The following LMF1 variants were observed in gnomAD, a reference collection of about 807,000 sequenced individuals.
LMF1 encodes the protein lipase maturation factor 1, also known as transmembrane protein 112.
A neutral mutation model predicts 60.6 loss-of-function variants in LMF1; 68 were observed. The ratio of observed to expected loss-of-function variants is 1.12; its 90% confidence interval spans 0.92 to 1.37. The LOEUF (loss-of-function observed/expected upper bound fraction) is 1.37. Among genes scored for constraint, LMF1 ranks in the 40% most tolerant of loss-of-function variants. LMF1 has a pLI of 0.00. For missense variants in LMF1, 948 were observed against 767.2 expected (o/e 1.24, Z -2.78); for synonymous variants, 418 against 324.7 (o/e 1.29, Z -3.09).
chr16:855,740 G>A, intron 10 of LMF1: 1 of 456,078 alleles, frequency 2.2e-6, no homozygotes, highest in South Asian at 1.5e-5. Flanking sequence ...ATGGCCCCTG[G>A]AATGAGCCCA....
Position 962,265 on chromosome 16 carries a change from C to T in LMF1, c.194-7599G>A, listed in dbSNP as rs1406575661. On this transcript the variant is annotated intron_variant, in intron 1 of 10. Coordinates refer to ENST00000262301, the MANE Select transcript of LMF1 (RefSeq NM_022773.4). This position sits in a 1 kb window ranked among gnomAD's most constrained non-coding sequence, Gnocchi z 4.5. ...CAGACACAGACTCACGGTGACAGCA[C>T]GGGATCACGACCCAGAGGGAAAATA... Among the ~76,000 whole-genome samples, 5 of 151,924 alleles carry T rather than the reference C, an allele frequency of 3.3e-5. No homozygotes were observed. The highest frequency in any genetic ancestry group is 4.8e-5 in the African/African-American group (2 of 41,334).
chr16:857,228 C>T (rs775456893), intron 10 of LMF1, among the ~76,000 whole-genome samples: 1 of 152,238 alleles, frequency 6.6e-6, no homozygotes. Flanking sequence ...AACCTCTGCA[C>T]GGGTTTCTGC....
chr16:856,715 C>A (rs530733657), intron 10 of LMF1, among the ~76,000 whole-genome samples: 1 of 152,360 alleles, frequency 6.6e-6, no homozygotes, highest in Non-Finnish European at 1.5e-5. Context: ...GAAGGGGCCC[C>A]AGGCCCCAGC....
intron 5 of LMF1, among the ~76,000 whole-genome samples, chr16:890,775 G>A (rs1259757254): frequency 6.6e-6 from 1 of 152,218 alleles, no homozygotes; most frequent in Non-Finnish European, 1.5e-5. Context: ...TCACAAGGAG[G>A]TCCCAGATAA....
chr16:933,935 G>A, intron 3 of LMF1: 1 of 1,379,720 alleles, frequency 7.2e-7, no homozygotes, highest in Admixed American at 2.2e-5. Flanking sequence ...AGCGTCCACG[G>A]GGGATGGGCC....
intron 10 of LMF1, chr16:855,952 C>G (rs1322356892): frequency 2.2e-6 from 1 of 455,950 alleles, no homozygotes; most frequent in East Asian, 6.9e-5. Flanking sequence ...CTCTTTGGGT[C>G]TGGGTGTGTG....
intron 1 of LMF1, among the ~76,000 whole-genome samples, chr16:978,528 G>C (rs184284864): frequency 2.1e-4 from 32 of 152,148 alleles, no homozygotes; most frequent in African/African-American, 7.2e-4. Flanking sequence ...GCCCAGGCCA[G>C]GGCATGTGGA....
intron 5 of LMF1, among the ~76,000 whole-genome samples, chr16:881,102 C>T (rs1455136792): frequency 6.6e-6 from 1 of 152,194 alleles, no homozygotes; most frequent in African/African-American, 2.4e-5. Context: ...AGTCGGGGCC[C>T]CCAGGTGGCA....
intron 3 of LMF1, among the ~76,000 whole-genome samples, chr16:919,369 G>T (rs953197134): frequency 6.6e-6 from 1 of 151,968 alleles, no homozygotes; most frequent in Non-Finnish European, 1.5e-5. Context: ...CAGCCCTGTG[G>T]CCTCTGCTTC....
intron 3 of LMF1, among the ~76,000 whole-genome samples, chr16:923,011 C>T (rs1455804318): frequency 8.2e-6 from 1 of 121,238 alleles, no homozygotes; most frequent in Non-Finnish European, 1.7e-5. Context: ...GTGTTGGTGT[C>T]GTGTTGTTGC....
chr16:954,256 A>T (rs945349141), intron 2 of LMF1, 101 bp downstream of exon 2: 1 of 1,227,074 alleles, frequency 8.1e-7, no homozygotes, highest in Non-Finnish European at 1.2e-6. Flanking sequence ...GGAATTTAAG[A>T]TAAACGCTCG....
At chr16:973,485 G>T (rs772749715), upstream of LMF1, among the ~76,000 whole-genome samples, 5 of 152,066 alleles carry the variant, frequency 3.3e-5, no homozygotes, top group African/African-American at 1.2e-4. Context: ...TGAAATGTCC[G>T]GGGTGGGCAA....
intron 2 of LMF1, among the ~76,000 whole-genome samples, chr16:941,167 T>G (rs765503966): frequency 1.3e-5 from 2 of 152,222 alleles, no homozygotes. Context: ...TTCAACTCAT[T>G]TGTACCTTTA....
chr16:881,546 G>A (rs190582053), intron 5 of LMF1: 82 of 152,472 alleles, frequency 5.4e-4, no homozygotes, highest in African/African-American at 1.6e-3. Context: ...TGAGGAAAGA[G>A]TGAAGGGGAT....
At chr16:947,622 C>T (rs1245584393) in intron 2 of LMF1, 9 of 455,794 alleles carry the variant, frequency 2.0e-5, no homozygotes, top group Non-Finnish European at 3.5e-5. Context: ...TGACTTTGGT[C>T]CAAGTTTCTG....
Position 854,400 on chromosome 16 carries a change from TG to T in LMF1, c.*131del. Reference sequence around the variant, plus strand: ...CAGACCCCACCCTGGACCCCCGTGCTGGGGGCTGGGTCCCACCGCTCTCCTC... The same window carrying T: ...CAGACCCCACCCTGGACCCCCGTGCTGGGGCTGGGTCCCACCGCTCTCCTC... On this transcript the variant is annotated 3_prime_UTR_variant, in exon 11 of 11. Transcript: ENST00000262301. The T allele has an allele frequency of 1.1e-6, 1 of 944,458 alleles. No homozygotes were observed. The highest frequency in any genetic ancestry group is 1.6e-6 in the Non-Finnish European group (1 of 615,978). 58.5% of individuals were successfully genotyped at this position (944,458 alleles called of 1,614,324 possible).
At position 866,359 on chromosome 16, in the gene LMF1, G is replaced by A. The variant is rs182271645; in HGVS notation, c.1529+2585C>T. On this transcript the variant is annotated intron_variant, in intron 10 of 10. Coordinates refer to ENST00000262301, the MANE Select transcript of LMF1 (RefSeq NM_022773.4). ...GTTGTTTCTGGGTAGGGTGGGAGTC[G>A]TGGCTCTGCACTAGGCCTCCATGAC... Among the ~76,000 whole-genome samples the A allele has an allele frequency of 2.7e-3, 404 of 152,330 alleles. 2 individuals carry two copies. The highest frequency in any genetic ancestry group is 8.7e-3 in the African/African-American group (363 of 41,580).
At chr16:909,131 G>A (rs755905171) in intron 4 of LMF1, among the ~76,000 whole-genome samples, 1 of 152,264 alleles carries the variant, frequency 6.6e-6, no homozygotes, top group South Asian at 2.1e-4. Context: ...TTAGGTGCTC[G>A]CATACCACCA....
intron 2 of LMF1, among the ~76,000 whole-genome samples, chr16:954,065 C>CCCA (rs2072600231): frequency 6.6e-6 from 1 of 151,850 alleles, no homozygotes; most frequent in African/African-American, 2.4e-5. Flanking sequence ...AGACACAGAC[C>CCCA]CACTGCTTCT....
Sources: allele counts gnomAD v4.1 joint callset (sites outside exome capture counted in the v4.1 genomes callset), GRCh38; gene constraint gnomAD v4.1.1; non-coding constraint Gnocchi (gnomAD v3.1); transcripts MANE v1.5; gene names NCBI Gene and HGNC (gene_info 2026-07-23, HGNC 2026-07-21).